PRDM6: variants seen among roughly 807,000 people sequenced by gnomAD.
The protein encoded by PRDM6 is PR/SET domain 6, also known as putative histone-lysine N-methyltransferase PRDM6.
In PRDM6, 25 loss-of-function variants were observed where a neutral mutation model predicts 60.8. The ratio of observed to expected loss-of-function variants is 0.41; its 90% CI spans 0.30 to 0.57. The LOEUF (loss-of-function observed/expected upper bound fraction) is 0.57. Ranked by LOEUF, PRDM6 falls within the 20% of genes least tolerant of loss-of-function variation. PRDM6 has a pLI of 0.27. For synonymous variants in PRDM6, 407 were observed against 357.4 expected (o/e 1.14, Z -1.57); for missense variants, 839 against 821.3 (o/e 1.02, Z -0.26).
chr5:123,114,492 G>T (rs952962047), intron 3 of PRDM6, among the ~76,000 whole-genome samples: 1 of 152,164 alleles, frequency 6.6e-6, no homozygotes, highest in African/African-American at 2.4e-5. Context: ...CTTGAGACTT[G>T]TTGAGGTTTT....
chr5:123,135,661 A>G (rs1443286240), intron 3 of PRDM6, among the ~76,000 whole-genome samples: 1 of 152,184 alleles, frequency 6.6e-6, no homozygotes, highest in Non-Finnish European at 1.5e-5. Context: ...AAGCTGATTA[A>G]TCAACCCTGA....
chr5:123,186,852 C>T (rs1225819162), intron 7 of PRDM6, among the ~76,000 whole-genome samples: 1 of 152,190 alleles, frequency 6.6e-6, no homozygotes, highest in Non-Finnish European at 1.5e-5. Flanking sequence ...GGACAGGGCT[C>T]TCTGGAGAAA....
At chr5:123,178,423 T>A (rs1479314216) in intron 6 of PRDM6, among the ~76,000 whole-genome samples, 1 of 152,192 alleles carries the variant, frequency 6.6e-6, no homozygotes, top group Non-Finnish European at 1.5e-5. Flanking sequence ...TCAGGAACCC[T>A]TTCAAGTTTA....
chr5:123,160,448 A>G (rs1765601999), intron 5 of PRDM6, among the ~76,000 whole-genome samples: 1 of 152,242 alleles, frequency 6.6e-6, no homozygotes, highest in Non-Finnish European at 1.5e-5. Flanking sequence ...CACATTGACT[A>G]ATTTGTGAGC....
chr5:123,145,594 C>A (rs1161998549), intron 3 of PRDM6, among the ~76,000 whole-genome samples: 1 of 152,104 alleles, frequency 6.6e-6, no homozygotes, highest in African/African-American at 2.4e-5. Flanking sequence ...TTCTTGAGCA[C>A]CCTGAGTCTG....
chr5:123,186,968 G>C (rs932116766), intron 7 of PRDM6, 119 bp from the exon 8 acceptor site: 2 of 710,340 alleles, frequency 2.8e-6, no homozygotes, highest in African/African-American at 3.6e-5. Flanking sequence ...TAAACCTCTT[G>C]AGCTGGTAAA....
At chr5:123,174,592 T>C (rs1765963601) in intron 6 of PRDM6, among the ~76,000 whole-genome samples, 1 of 152,214 alleles carries the variant, frequency 6.6e-6, no homozygotes. Context: ...AAACCCCAGA[T>C]ATTTCAACCT....
chr5:123,093,478 C>G, intron 2 of PRDM6, among the ~76,000 whole-genome samples: 1 of 152,186 alleles, frequency 6.6e-6, no homozygotes, highest in Non-Finnish European at 1.5e-5. Context: ...AAACTGCAAG[C>G]TACCCGGGTG....
At chr5:123,091,009 G>A (rs1335225523) in intron 2 of PRDM6, among the ~76,000 whole-genome samples, 2 of 152,164 alleles carry the variant, frequency 1.3e-5, no homozygotes, top group Non-Finnish European at 2.9e-5. Flanking sequence ...GGCCTTAGCC[G>A]GGACGAGGGA....
chr5:123,170,810 G>A lies in PRDM6; in HGVS notation c.1198G>A (p.Ala400Thr), dbSNP rs532705349. ...AATGGAAGCCATGTGCAGACAAGAC[G>A]CCCTGCAGCCCTTCAACAAAAGCAG... ...TVMEAMCRQD[A>T]LQPFNKSSKL... is the part of the protein sequence containing the mutation. Residue 400 changes from alanine to threonine, a missense_variant, in exon 6 of 8, where the codon GCC (alanine) becomes ACC (threonine). This residue lies in a region of PRDM6 where 730 missense variants were observed against 648.8 expected (regional missense o/e 1.13). Transcript: ENST00000407847. 17 of 1,551,932 alleles carry A rather than the reference G, an allele frequency of 1.1e-5. No individual in the cohort carries two copies. The South Asian group carries it at 1.3e-4, about 12-fold the overall frequency.
chr5:123,114,367 A>C (rs964388092), intron 3 of PRDM6, among the ~76,000 whole-genome samples: 2 of 152,134 alleles, frequency 1.3e-5, no homozygotes, highest in African/African-American at 4.8e-5. Flanking sequence ...CTCTCTTCTT[A>C]TTCTGGTCAA....
intron 2 of PRDM6, among the ~76,000 whole-genome samples, chr5:123,098,008 T>C (rs1019849932): frequency 6.6e-6 from 1 of 152,348 alleles, no homozygotes; most frequent in East Asian, 1.9e-4. Flanking sequence ...GAGGCTTACA[T>C]AGTCAGCCCT....
At chr5:123,094,994 T>C (rs1336847812) in intron 2 of PRDM6, among the ~76,000 whole-genome samples, 1 of 152,250 alleles carries the variant, frequency 6.6e-6, no homozygotes, top group African/African-American at 2.4e-5. Flanking sequence ...CCCAGAGCTT[T>C]TGCGATTCGC....
At chr5:123,171,147 G>T in intron 6 of PRDM6, 39 bp downstream of exon 6, 1 of 1,471,192 alleles carries the variant, frequency 6.8e-7, no homozygotes. Context: ...TGTTTGCTTA[G>T]TGAGACCCAC....
At chr5:123,130,769 G>A (rs1317705781) in intron 3 of PRDM6, among the ~76,000 whole-genome samples, 2 of 152,066 alleles carry the variant, frequency 1.3e-5, no homozygotes, top group Admixed American at 6.6e-5. Context: ...GTTTCTCCAT[G>A]TTTGTCAGGC....
intron 6 of PRDM6, among the ~76,000 whole-genome samples, chr5:123,172,549 A>G (rs1244643536): frequency 6.6e-6 from 1 of 152,212 alleles, no homozygotes; most frequent in East Asian, 1.9e-4. Context: ...CTTCCTTGCA[A>G]GTATACGTAG....
chr5:123,185,722 C>T (rs989160670), intron 7 of PRDM6, among the ~76,000 whole-genome samples: 2 of 152,220 alleles, frequency 1.3e-5, no homozygotes, highest in African/African-American at 4.8e-5. Context: ...AAGTGAAGCT[C>T]CTGCCTCCCA....
Position 123,185,866 on chromosome 5 carries a change from C to A in PRDM6, c.1674-1221C>A, listed in dbSNP as rs77598828. Among the ~76,000 whole-genome samples the A allele has an allele frequency of 3.5e-4, 54 of 152,236 alleles. No individual in the cohort carries two copies. The East Asian group carries it at 6.6e-3, about 19-fold the overall frequency. ...GTGGAATGCCTAACAGATAACAGGG[C>A]TTGTGGCTTTCTTGTCTGTGATAAG... On this transcript the variant is annotated intron_variant, in intron 7 of 7. Transcript: ENST00000407847.
intron 3 of PRDM6, among the ~76,000 whole-genome samples, chr5:123,109,155 G>C (rs1764254771): frequency 6.6e-6 from 1 of 151,652 alleles, no homozygotes; most frequent in Admixed American, 6.6e-5. Context: ...AGGAAAGGAA[G>C]GAGAAAATTT....
Sources: allele counts gnomAD v4.1 joint callset (sites outside exome capture counted in the v4.1 genomes callset), GRCh38; gene constraint gnomAD v4.1.1; regional missense constraint gnomAD v4.1.1; transcripts MANE v1.5; gene names NCBI Gene and HGNC (gene_info 2026-07-23, HGNC 2026-07-21).